Variants in DPYS observed in about 807,000 individuals in gnomAD.
DPYS encodes the protein dihydropyrimidinase.
A neutral mutation model predicts 50.3 loss-of-function variants in DPYS; 39 were observed. The observed-to-expected ratio is 0.78, with a 90% CI of 0.60 to 1.01. The LOEUF is 1.01. DPYS is among the 50% of genes least tolerant of loss of function. DPYS has a pLI of 0.00. For synonymous variants in DPYS, 245 were observed against 250.7 expected, an observed-to-expected ratio of 0.98 and a Z score of 0.22; for missense variants, 659 against 680.9, an observed-to-expected ratio of 0.97 and a Z score of 0.36.
intron 1 of DPYS, among the ~76,000 whole-genome samples, chr8:104,457,312 G>C (rs1479904124): frequency 6.6e-6 from 1 of 152,160 alleles, no homozygotes; most frequent in Non-Finnish European, 1.5e-5. Context: ...GACATAGGGA[G>C]GACTCACGTC....
chr8:104,401,444 G>T (rs1811805838), intron 7 of DPYS, among the ~76,000 whole-genome samples: 2 of 152,128 alleles, frequency 1.3e-5, no homozygotes, highest in Admixed American at 6.6e-5. Context: ...AGATAAGCCT[G>T]GGCCTTTCGC....
intron 1 of DPYS, among the ~76,000 whole-genome samples, chr8:104,465,475 C>T (rs1336714456): frequency 6.6e-6 from 1 of 152,158 alleles, no homozygotes; most frequent in African/African-American, 2.4e-5. Flanking sequence ...CAGCTCAAAA[C>T]ACAGGACTTA....
At chr8:104,381,851 A>AACACACACACACACACAC (rs1228106911) in intron 8 of DPYS, among the ~76,000 whole-genome samples, 1 of 54,488 alleles carries the variant, frequency 1.8e-5, no homozygotes, top group Non-Finnish European at 5.7e-5. Context: ...GAGTTTTGAA[A>AACACACACACACACACAC]TCACACACAC....
Position 104,428,000 on chromosome 8 carries a change from C to G in DPYS, c.1072G>C (p.Val358Leu). Residue 358 changes from valine (V) to leucine (L), a missense_variant, in exon 6 of 10, where the codon GTA becomes CTA. By Grantham distance (32) the Val-to-Leu change is conservative. Transcript: ENST00000351513. ...GVNGVEDRMS[V>L]IWEKGVHSGK... ...CCCACCACGCCTTTTTCCCATATTA[C>G]GGACATCCGATCTTCAACACCATTC... 3 of 1,614,194 alleles carry G rather than the reference C, an allele frequency of 1.9e-6. No homozygotes were observed. Among genetic ancestry groups the G allele is most frequent in the Middle Eastern group, 1.6e-4 (1 of 6,062 alleles).
At chr8:104,432,935 T>C (rs1375872016) in intron 4 of DPYS, among the ~76,000 whole-genome samples, 7 of 152,200 alleles carry the variant, frequency 4.6e-5, no homozygotes, top group Admixed American at 4.6e-4. Context: ...AGAATGTAAC[T>C]GTATTTGGAA....
chr8:104,454,709 A>T (rs1682109217), intron 1 of DPYS, among the ~76,000 whole-genome samples: 1 of 152,228 alleles, frequency 6.6e-6, no homozygotes, highest in Non-Finnish European at 1.5e-5. Flanking sequence ...AATAAACAGT[A>T]GTATAAAAAT....
At position 104,429,711 on chromosome 8, in the gene DPYS, T is replaced by G; in HGVS notation, c.794-10A>C. The G allele has an allele frequency of 6.2e-7, 1 of 1,614,032 alleles. No individual in the cohort carries two copies. The highest frequency in any genetic ancestry group is 8.5e-7 in the Non-Finnish European group (1 of 1,179,988). ...CCATAGACCACCTTCCCTGGAAAGA[T>G]TAAAAGAAGCATTCATCACTTTAAT... On this transcript the variant is annotated splice_polypyrimidine_tract_variant and intron_variant, in intron 4 of 9. Transcript: ENST00000351513.
At chr8:104,380,844 T>G (rs1588389989) in intron 9 of DPYS, 1 of 224,454 alleles carries the variant, frequency 4.5e-6, no homozygotes, top group East Asian at 9.3e-5. Flanking sequence ...CCTAATTCAT[T>G]TGTAAATTTT....
intron 7 of DPYS, among the ~76,000 whole-genome samples, chr8:104,423,026 A>T (rs1812598537): frequency 6.6e-6 from 1 of 152,168 alleles, no homozygotes; most frequent in Non-Finnish European, 1.5e-5. Flanking sequence ...TTCATTTTGC[A>T]TGTAATTATT....
intron 7 of DPYS, among the ~76,000 whole-genome samples, chr8:104,409,003 G>C (rs1009943133): frequency 6.6e-6 from 1 of 151,550 alleles, no homozygotes; most frequent in African/African-American, 2.4e-5. Context: ...TAGTAGAGAC[G>C]AGGTTTCACC....
Position 104,466,781 on chromosome 8 carries a change from G to C in DPYS, c.140C>G (p.Ala47Gly), listed in dbSNP as rs553987375. 7.8e-6 allele frequency: 12 copies of C among 1,534,188 alleles called. No individual in the cohort carries two copies. In the East Asian group the frequency reaches 2.7e-4, roughly 35 times the overall value. ...GGCGGCGTCGAGGACCCGCAGCCCC[G>C]CAGGAGCGCCCCCGGGAGGCAGCAG... is the stretch of plus-strand genomic sequence containing the variant. Reference protein sequence around the residue: ...HDLLPPGGAPAGLRVLDAAGK... With the variant: ...HDLLPPGGAPGGLRVLDAAGK... Residue 47 changes from alanine (A) to glycine (G), a missense_variant, in exon 1 of 10, where the codon GCG (alanine) becomes GGG (glycine). Coordinates refer to ENST00000351513, the MANE Select transcript of DPYS (RefSeq NM_001385.3).
chr8:104,408,909 G>T (rs1173712593), intron 7 of DPYS, among the ~76,000 whole-genome samples: 3 of 151,600 alleles, frequency 2.0e-5, no homozygotes, highest in Non-Finnish European at 4.4e-5. Flanking sequence ...TGCCTCCCAG[G>T]TTTAAATGAT....
chr8:104,380,989 C>G, intron 9 of DPYS, 195 bp downstream of exon 9: 2 of 546,016 alleles, frequency 3.7e-6, no homozygotes, highest in South Asian at 4.0e-5. Flanking sequence ...GACTCTCTAG[C>G]AAGCCCAAGG....
intron 7 of DPYS, among the ~76,000 whole-genome samples, chr8:104,401,002 T>C (rs187287010): frequency 1.3e-5 from 2 of 152,300 alleles, no homozygotes; most frequent in East Asian, 1.9e-4. Context: ...AGAAGGAGCA[T>C]TGTGGAGAGG....
chr8:104,449,640 T>C (rs1027670342), intron 2 of DPYS, among the ~76,000 whole-genome samples: 1 of 152,228 alleles, frequency 6.6e-6, no homozygotes, highest in Admixed American at 6.5e-5. Context: ...CTTTATCCAA[T>C]GTAACTGCTG....
chr8:104,447,296 G>C, intron 3 of DPYS, 28 bp downstream of exon 3: 1 of 1,613,288 alleles, frequency 6.2e-7, no homozygotes, highest in East Asian at 2.2e-5. Context: ...TGTCATTTCT[G>C]TAGAAGCTTT....
intron 6 of DPYS, 101 bp downstream of exon 6, chr8:104,427,878 CA>C (rs1465808668): frequency 6.3e-7 from 1 of 1,579,026 alleles, no homozygotes; most frequent in African/African-American, 1.3e-5. Flanking sequence ...TAAAAACAAT[CA>C]AAAAGCTTCT....
chr8:104,465,086 T>C (rs937453894), intron 1 of DPYS, among the ~76,000 whole-genome samples: 2 of 152,234 alleles, frequency 1.3e-5, no homozygotes, highest in Non-Finnish European at 2.9e-5. Flanking sequence ...CAAATCTACC[T>C]GCCTTCCTTT....
intron 7 of DPYS, among the ~76,000 whole-genome samples, chr8:104,417,643 C>G (rs762223917): frequency 2.6e-5 from 4 of 152,166 alleles, no homozygotes; most frequent in Non-Finnish European, 4.4e-5. Context: ...GCAATAGACA[C>G]CAGTTCAATG....
Sources: allele counts gnomAD v4.1 joint callset (sites outside exome capture counted in the v4.1 genomes callset), GRCh38; gene constraint gnomAD v4.1.1; transcripts MANE v1.5; gene names NCBI Gene and HGNC (gene_info 2026-07-23, HGNC 2026-07-21).